ANK1: variants seen among roughly 807,000 people sequenced by gnomAD.
The protein encoded by ANK1 is ankyrin 1.
In ANK1, 51 loss-of-function variants were observed where a neutral mutation model predicts 210.4. That is an observed-to-expected ratio of 0.24 (90% confidence interval 0.19 to 0.31). ANK1 has a LOEUF of 0.31. Among genes scored for constraint, ANK1 ranks in the 10% least tolerant of loss-of-function variants. The pLI, the probability that ANK1 is intolerant of heterozygous loss-of-function variation, is 1.00. For missense variants in ANK1, 2,051 were observed against 2,504.4 expected (o/e 0.82, Z 3.86); for synonymous variants, 967 against 1,025.9 (o/e 0.94, Z 1.10).
intron 4 of ANK1, 52 bp from the exon 5 acceptor site, chr8:41,727,400 C>G: frequency 7.7e-7 from 1 of 1,303,170 alleles, no homozygotes; most frequent in South Asian, 1.2e-5. Flanking sequence ...TTAAGAAAGG[C>G]CTACACCAGC....
At chr8:41,868,961 A>G (rs976445461) in intron 1 of ANK1, among the ~76,000 whole-genome samples, 4 of 152,226 alleles carry the variant, frequency 2.6e-5, no homozygotes, top group African/African-American at 9.6e-5. Flanking sequence ...CAGCTAAAGC[A>G]TGTCCTGATC....
chr8:41,661,697 A>G, intron 41 of ANK1, 133 bp from the exon 42 acceptor site: 1 of 1,597,150 alleles, frequency 6.3e-7, no homozygotes, highest in Non-Finnish European at 8.5e-7. Context: ...CTGGAGAGAG[A>G]GCTCATAAAG....
intron 31 of ANK1, among the ~76,000 whole-genome samples, chr8:41,690,975 C>T (rs895143626): frequency 9.9e-5 from 15 of 152,216 alleles, no homozygotes; most frequent in African/African-American, 3.1e-4. Context: ...GTAATCCCTC[C>T]ACTTTAGAAG....
intron 1 of ANK1, among the ~76,000 whole-genome samples, chr8:41,760,335 A>G (rs993949465): frequency 2.0e-5 from 3 of 151,980 alleles, no homozygotes; most frequent in Admixed American, 2.0e-4. Flanking sequence ...GTCTCATGAG[A>G]TCTGATAGTT....
At chr8:41,806,911 T>C (rs1017847583) in intron 1 of ANK1, among the ~76,000 whole-genome samples, 5 of 152,184 alleles carry the variant, frequency 3.3e-5, no homozygotes, top group African/African-American at 1.2e-4. Flanking sequence ...CATCCACAGA[T>C]GTGAGAAAAA....
chr8:41,709,392 G>T (rs967815575), intron 16 of ANK1, among the ~76,000 whole-genome samples: 1 of 152,350 alleles, frequency 6.6e-6, no homozygotes, highest in East Asian at 1.9e-4. Context: ...GCTGCCCTCT[G>T]GGCCTTGCCG....
At chr8:41,833,518 C>T (rs776695067) in intron 1 of ANK1, among the ~76,000 whole-genome samples, 15 of 152,130 alleles carry the variant, frequency 9.9e-5, no homozygotes, top group Non-Finnish European at 1.5e-4. Context: ...CAAGGATAAA[C>T]GGAAGCGTGG....
intron 1 of ANK1, among the ~76,000 whole-genome samples, chr8:41,859,505 CCTGA>C (rs1054191346): frequency 3.3e-5 from 5 of 152,174 alleles, no homozygotes; most frequent in Non-Finnish European, 7.3e-5. Flanking sequence ...CACAACCACG[CCTGA>C]CTAATTTTTG....
chr8:41,746,160 C>T (rs950474751), intron 2 of ANK1, among the ~76,000 whole-genome samples: 3 of 152,328 alleles, frequency 2.0e-5, no homozygotes, highest in East Asian at 1.9e-4. Flanking sequence ...GCAGGCCTCT[C>T]GTTCTGCGGG....
intron 1 of ANK1, among the ~76,000 whole-genome samples, chr8:41,826,625 G>A (rs1321811600): frequency 3.3e-5 from 5 of 152,096 alleles, no homozygotes; most frequent in Admixed American, 2.6e-4. Context: ...ATTGAAAATA[G>A]GAAATACCAA....
chr8:41,701,611 A>C lies in ANK1; in HGVS notation c.2400T>G (p.Asp800Glu). 1.2e-6 allele frequency: 2 copies of C among 1,614,140 alleles called. No individual in the cohort carries two copies. The highest frequency in any genetic ancestry group is 2.2e-5 in the East Asian group (1 of 44,888). Residue 800 changes from aspartate (D) to glutamate (E), a missense_variant, in exon 22 of 43, where the codon GAT becomes GAG. This residue lies in a region of ANK1 where 1,413 missense variants were observed against 1,707.4 expected (regional missense o/e 0.83). Transcript: ENST00000289734. ...TCTCAGGGAAACTCATTCGATGCTT[A>C]TCACTGACTAACTAAAACGAGAAAA... ...TDETSFVLVS[D>E]KHRMSFPETV...
At chr8:41,726,025 C>A in intron 5 of ANK1, 79 bp from the exon 6 acceptor site, 1 of 1,503,612 alleles carries the variant, frequency 6.7e-7, no homozygotes, top group Admixed American at 1.8e-5. Flanking sequence ...CCTTGCCCCT[C>A]GGGCTTATGC....
intron 1 of ANK1, among the ~76,000 whole-genome samples, chr8:41,821,910 C>T (rs1180740964): frequency 6.6e-6 from 1 of 151,922 alleles, no homozygotes; most frequent in Non-Finnish European, 1.5e-5. Flanking sequence ...ATTAGCCAGG[C>T]ATGGTGGCGC....
chr8:41,725,698 G>A (rs1266717939), intron 6 of ANK1, 63 bp downstream of exon 6: 4 of 1,563,208 alleles, frequency 2.6e-6, no homozygotes, highest in African/African-American at 2.7e-5. Flanking sequence ...CTGGGCGTGC[G>A]CGGTGCCCCC....
intron 39 of ANK1, among the ~76,000 whole-genome samples, chr8:41,667,397 G>T (rs937599353): frequency 2.6e-5 from 4 of 152,156 alleles, no homozygotes; most frequent in Non-Finnish European, 5.9e-5. Flanking sequence ...TGTCGTTCAT[G>T]TACATACTAA....
In ANK1 at chr8:41,717,026, G is replaced by T; in HGVS notation, c.1331C>A (p.Ala444Glu). The change falls in exon 13 of 43, where the codon GCA (alanine) becomes GAA (glutamate). Residue 444 changes from alanine (A) to glutamate (E), a missense_variant. By Grantham distance (107) the Ala-to-Glu change is moderately radical (BLOSUM62 -1). Around this residue, in one of 6 missense-constraint regions of ANK1, gnomAD observed 1,413 missense variants for 1,707.4 expected, o/e 0.83. Transcript: ENST00000289734. ...NVKVETPLHMAARAGHTEVAK... is the reference protein window; with the variant it reads ...NVKVETPLHMEARAGHTEVAK... ...CACTTCCGTGTGCCCGGCTCTGGCT[G>T]CCATGTGTAGCGGGGTCTCCACTTT... 1 of 1,614,250 alleles carries T rather than the reference G, an allele frequency of 6.2e-7. No homozygotes were observed. The highest frequency in any genetic ancestry group is 1.3e-5 in the African/African-American group (1 of 75,068).
In ANK1 at chr8:41,694,887, C is replaced by T. The variant is rs1820385639; in HGVS notation, c.3116-84G>A. 1 of 1,425,230 alleles carries T rather than the reference C, an allele frequency of 7.0e-7. No homozygotes were observed. The highest frequency in any genetic ancestry group is 9.8e-7 in the Non-Finnish European group (1 of 1,024,522). 88.3% of individuals were successfully genotyped at this position (1,425,230 alleles called of 1,614,324 possible). A position where few individuals can be genotyped will look rare whatever the true frequency, so the allele number is the denominator to read the frequency against. ...CAGGGGCCCCAGAGTCTCCTTGTCC[C>T]CAAGACCCAGTGCACACACCCTCCC... On this transcript the variant is annotated intron_variant, in intron 27 of 42. Transcript: ENST00000289734. This position sits in a 1 kb window ranked among gnomAD's most constrained non-coding sequence, Gnocchi z 5.7.
intron 39 of ANK1, chr8:41,665,387 A>C: frequency 2.4e-6 from 2 of 821,088 alleles, no homozygotes; most frequent in Non-Finnish European, 3.4e-6. Flanking sequence ...CACTGAAAGC[A>C]CAAGTGAAAG....
chr8:41,701,999 T>C (rs1019560067), intron 21 of ANK1, 53 bp downstream of exon 21: 1 of 1,563,464 alleles, frequency 6.4e-7, no homozygotes, highest in Non-Finnish European at 8.8e-7. Flanking sequence ...CAGGCACGCC[T>C]GTGCGCCAGG....
Sources: allele counts gnomAD v4.1 joint callset (sites outside exome capture counted in the v4.1 genomes callset), GRCh38; gene constraint gnomAD v4.1.1; regional missense constraint gnomAD v4.1.1; non-coding constraint Gnocchi (gnomAD v3.1); transcripts MANE v1.5; gene names NCBI Gene and HGNC (gene_info 2026-07-23, HGNC 2026-07-21).